The following ZNF713 variants were observed in gnomAD, a reference collection of about 807,000 sequenced individuals.
ZNF713 encodes the protein zinc finger protein 713.
Under a neutral mutation model 28.7 loss-of-function variants are expected in ZNF713, and 21 were observed. The ratio of observed to expected loss-of-function variants is 0.73; its 90% CI spans 0.52 to 1.05. ZNF713 has a LOEUF of 1.05. Among genes scored for constraint, ZNF713 ranks in the 50% least tolerant of loss-of-function variants. The probability of loss-of-function intolerance (pLI) is 0.00; values close to 1 mark genes in which losing one functional copy is unlikely to be tolerated. For missense variants in ZNF713, 458 were observed against 532.4 expected, an observed-to-expected ratio of 0.86 and a Z score of 1.37; for synonymous variants, 167 against 178.0, an observed-to-expected ratio of 0.94 and a Z score of 0.49.
intron 1 of ZNF713, among the ~76,000 whole-genome samples, chr7:55,902,332 A>C (rs1785594992): frequency 6.6e-6 from 1 of 152,264 alleles, no homozygotes; most frequent in African/African-American, 2.4e-5. Flanking sequence ...GATGTTTATT[A>C]AACCATTTAA....
chr7:55,899,434 G>C (rs1370461983), intron 1 of ZNF713, among the ~76,000 whole-genome samples: 10 of 1,006 alleles, frequency 9.9e-3, no homozygotes, highest in African/African-American at 0.011. Context: ...GGAGGCCGAG[G>C]GGGGGGGGGG....
chr7:55,898,871 T>C (rs973444198), intron 1 of ZNF713, among the ~76,000 whole-genome samples: 1 of 152,154 alleles, frequency 6.6e-6, no homozygotes, highest in Admixed American at 6.5e-5. Flanking sequence ...TGCTTATCAC[T>C]GATCTTGATG....
intron 4 of ZNF713, among the ~76,000 whole-genome samples, chr7:55,914,869 T>TTTTATTTTA (rs201054024): frequency 7.9e-5 from 12 of 152,154 alleles, no homozygotes; most frequent in Admixed American, 3.3e-4. Context: ...ATTTTATTTT[T>TTTTATTTTA]TTTGAGACAG....
intron 1 of ZNF713, 145 bp downstream of exon 1, chr7:55,887,825 GGGCGGCGGGCGGCGGGCGGC>G (rs1785292338): frequency 2.0e-4 from 1 of 4,894 alleles, no homozygotes; most frequent in African/African-American, 5.4e-4. Context: ...GGCGGGCGGC[GGGCGGCGGGCGGCGGGCGGC>G]GGCGGCGGCG....
Position 55,902,216 on chromosome 7 carries a change from G to A in ZNF713, c.-582-4037G>A, listed in dbSNP as rs142513093. Among the ~76,000 whole-genome samples the A allele has an allele frequency of 9.3e-4, 142 of 151,980 alleles. 1 individual carries two copies. The Middle Eastern group carries it at 0.01, about 11-fold the overall frequency. ...CAAAAAATAAAAATAAAATAAGAAT[G>A]TCAATATATAAGAAGGAATAGAAAA... is the stretch of plus-strand genomic sequence containing the variant. On this transcript the variant is annotated intron_variant, in intron 1 of 6. Transcript: ENST00000429591.
In ZNF713 at chr7:55,912,655, G is replaced by T. The variant is rs1785806485; in HGVS notation, c.19G>T (p.Val7Phe). Residue 7 changes from valine (V) to phenylalanine (F), a missense_variant, in exon 4 of 7, where the codon GTT (valine) becomes TTT (phenylalanine). Transcript: ENST00000429591. MPSQNA[V>F]FSQEGNMEEE... ...CCTAGTTATGCCTTCTCAGAATGCTGTTTTTTCTCAGGAGGGGAACATGGA... is the reference window on the plus strand; with the variant it reads ...CCTAGTTATGCCTTCTCAGAATGCTTTTTTTTCTCAGGAGGGGAACATGGA... 1 of 1,612,984 alleles carries T rather than the reference G, an allele frequency of 6.2e-7. No homozygotes were observed. The highest frequency in any genetic ancestry group is 1.1e-5 in the South Asian group (1 of 90,624).
intron 2 of ZNF713, among the ~76,000 whole-genome samples, chr7:55,907,159 T>A (rs527285719): frequency 6.6e-6 from 1 of 152,340 alleles, no homozygotes; most frequent in East Asian, 1.9e-4. Flanking sequence ...TGTTGGCATT[T>A]TTGCTGAGAA....
intron 2 of ZNF713, among the ~76,000 whole-genome samples, chr7:55,911,184 T>C (rs780181088): frequency 6.6e-6 from 1 of 152,208 alleles, no homozygotes; most frequent in Non-Finnish European, 1.5e-5. Context: ...GGCTTCTTTC[T>C]TTATTTCCAT....
At chr7:55,908,747 C>A (rs1250094860) in intron 2 of ZNF713, among the ~76,000 whole-genome samples, 1 of 152,032 alleles carries the variant, frequency 6.6e-6, no homozygotes, top group Non-Finnish European at 1.5e-5. Flanking sequence ...AGTTCTTTAT[C>A]TTTGCTTTTG....
chr7:55,894,445 T>C (rs1397234910), intron 1 of ZNF713, among the ~76,000 whole-genome samples: 1 of 152,170 alleles, frequency 6.6e-6, no homozygotes, highest in Non-Finnish European at 1.5e-5. Context: ...ATTTAAAAAA[T>C]AAAGCTAAAA....
chr7:55,891,931 AAGAT>A (rs1419938241), intron 1 of ZNF713, among the ~76,000 whole-genome samples: 1 of 152,214 alleles, frequency 6.6e-6, no homozygotes, highest in Non-Finnish European at 1.5e-5. Flanking sequence ...AATCTCAACT[AAGAT>A]AGACTGTCAT....
At chr7:55,917,754 G>A (rs1360147103) in intron 4 of ZNF713, among the ~76,000 whole-genome samples, 1 of 151,588 alleles carries the variant, frequency 6.6e-6, no homozygotes. Context: ...AGCAAATAAA[G>A]TTCAAATGGA....
Position 55,912,702 on chromosome 7 carries a change from C to T in ZNF713, c.66C>T (p.Gly22=), listed in dbSNP as rs777014868. Residue 22 remains glycine (G), a synonymous_variant, in exon 4 of 7, where the codon GGC becomes GGT. Transcript: ENST00000429591. ...TGGAGGAGGAAGAAATGAATGATGG[C>T]TCACAGATGGTGAGATCTCAGGTAA... The part of the protein sequence containing the change: ...GNMEEEEMND[G]SQMVRSQESL... The T allele has an allele frequency of 6.2e-7, 1 of 1,613,404 alleles. No homozygotes were observed. The highest frequency in any genetic ancestry group is 8.5e-7 in the Non-Finnish European group (1 of 1,179,682).
chr7:55,900,116 T>G (rs905092023), intron 1 of ZNF713, among the ~76,000 whole-genome samples: 3 of 152,118 alleles, frequency 2.0e-5, no homozygotes, highest in African/African-American at 7.2e-5. Context: ...TATTGCAACA[T>G]TATTCACTGT....
intron 6 of ZNF713, 75 bp downstream of exon 6, chr7:55,923,774 C>A: frequency 1.8e-6 from 2 of 1,118,630 alleles, no homozygotes; most frequent in Non-Finnish European, 2.6e-6. Flanking sequence ...TGGAGTGTTC[C>A]AAAAATCTCC....
At position 55,911,609 on chromosome 7, in the gene ZNF713, A is replaced by C. The variant is rs1785784799; in HGVS notation, c.-455-7A>C. 1 of 152,146 alleles carries C rather than the reference A, an allele frequency of 6.6e-6. No individual in the cohort carries two copies. The highest frequency in any genetic ancestry group is 6.5e-5 in the Admixed American group (1 of 15,278). The allele number at this position is 152,146 out of a possible 1,614,324, so 9.4% of individuals were successfully genotyped here. On this transcript the variant is annotated splice_region_variant and splice_polypyrimidine_tract_variant and intron_variant, in intron 2 of 6. Transcript: ENST00000429591. ...TCTTCTGCTGACCCTGGTGCATCTC[A>C]TTACAGGTCTTCAACCTAAAATTCT...
Position 55,927,896 on chromosome 7 carries a change from C to CAAA in ZNF713, c.307+4219_307+4221dup, listed in dbSNP as rs71533249. Among the ~76,000 whole-genome samples, 176 of 44,922 alleles carry CAAA rather than the reference C, an allele frequency of 3.9e-3. 32 individuals are homozygous for CAAA. The highest frequency in any genetic ancestry group is 0.015 in the African/African-American group (159 of 10,466). 29.5% of individuals were successfully genotyped at this position (44,922 alleles called of 152,430 possible). ...TGGGTGACAGAGCAAGACTCTGTCT[C>CAAA]AAAAAAAAAAAAAAAAAAAAAAAAG... On this transcript the variant is annotated intron_variant, in intron 6 of 6. Transcript: ENST00000429591.
intron 1 of ZNF713, among the ~76,000 whole-genome samples, chr7:55,903,581 C>T (rs972215175): frequency 4.0e-5 from 6 of 150,952 alleles, no homozygotes; most frequent in African/African-American, 1.2e-4. Flanking sequence ...GCGGGAGAAT[C>T]GCTTGAACCT....
At chr7:55,928,969 CAAA>C (rs35152322) in intron 6 of ZNF713, among the ~76,000 whole-genome samples, 62 of 119,294 alleles carry the variant, frequency 5.2e-4, no homozygotes, top group East Asian at 3.3e-3. Context: ...CCATTTCTAC[CAAA>C]AAAAAAAAAA....
Sources: gnomAD v4.1 joint callset for allele counts (sites outside exome capture counted in the v4.1 genomes callset) on GRCh38, gnomAD v4.1.1 for gene constraint, MANE v1.5 for transcripts, NCBI Gene and HGNC (gene_info 2026-07-23, HGNC 2026-07-21) for gene names.